Variants in DACH2 observed in about 807,000 individuals in gnomAD.
DACH2 encodes dachshund family transcription factor 2.
Under a neutral mutation model 35.8 loss-of-function variants are expected in DACH2, and 17 were observed. That is an observed-to-expected ratio of 0.48 (90% CI 0.33 to 0.71). The LOEUF is 0.71. Ranked by LOEUF, DACH2 falls within the 30% of genes least tolerant of loss-of-function variation. The pLI is 0.02. For missense variants in DACH2, 469 were observed against 472.7 expected (o/e 0.99, Z 0.07); for synonymous variants, 195 against 177.3 (o/e 1.10, Z -0.79).
chrX:86,289,750 C>T (rs1415094473), intron 1 of DACH2, among the ~76,000 whole-genome samples: 2 of 109,400 alleles, frequency 1.8e-5, no homozygotes, highest in Non-Finnish European at 3.8e-5. Flanking sequence ...AGGACATGAA[C>T]TCATCATTTT....
intron 3 of DACH2, among the ~76,000 whole-genome samples, chrX:86,553,801 AC>A (rs1283305062): frequency 4.5e-5 from 5 of 111,573 alleles, no homozygotes. Flanking sequence ...TACTGGGATC[AC>A]CCCCATGGCA....
intron 2 of DACH2, among the ~76,000 whole-genome samples, chrX:86,453,257 T>A (rs2037413959): frequency 8.9e-6 from 1 of 112,149 alleles, no homozygotes; most frequent in Non-Finnish European, 1.9e-5. Context: ...TTAGATTAAG[T>A]GCCATGAGGC....
At chrX:86,318,762 A>G (rs771565909) in intron 1 of DACH2, among the ~76,000 whole-genome samples, 5 of 111,776 alleles carry the variant, frequency 4.5e-5, no homozygotes, top group Non-Finnish European at 9.4e-5. Flanking sequence ...GCTAGGGATC[A>G]GGAAAGACAA....
intron 1 of DACH2, among the ~76,000 whole-genome samples, chrX:86,252,074 G>T (rs1303578201): frequency 9.0e-6 from 1 of 111,217 alleles, no homozygotes; most frequent in Non-Finnish European, 1.9e-5. Flanking sequence ...GTTTTGATTT[G>T]CATTTCCCTG....
chrX:86,281,076 A>G (rs1262365378), intron 1 of DACH2, among the ~76,000 whole-genome samples: 28 of 111,281 alleles, frequency 2.5e-4, no homozygotes, highest in Non-Finnish European at 1.9e-5. Context: ...CAGGCCTTGA[A>G]CTCAGCTCTG....
chrX:86,697,600 T>A lies in DACH2; in HGVS notation c.931+2421T>A, dbSNP rs770036529. Among the ~76,000 whole-genome samples the A allele has an allele frequency of 6.4e-5, 7 of 109,662 alleles. No individual in the cohort carries two copies. The East Asian group carries it at 1.7e-3, about 27-fold the overall frequency. On this transcript the variant is annotated intron_variant, in intron 5 of 11. Coordinates refer to ENST00000373125, the MANE Select transcript of DACH2 (RefSeq NM_053281.3). ...TGAGAACTTAAAAAAACAACTAATATACTAAGAGAATGGAAAAAATGAACA... is the reference window on the plus strand; with the variant it reads ...TGAGAACTTAAAAAAACAACTAATAAACTAAGAGAATGGAAAAAATGAACA...
chrX:86,430,001 A>G lies in DACH2; in HGVS notation c.527+53139A>G, dbSNP rs188479761. Reference sequence around the variant, plus strand: ...GTTTCAGCACTGGAACAAAATGTGGAATATTTTCACACAGACTTTTATGGA... The same window carrying G: ...GTTTCAGCACTGGAACAAAATGTGGGATATTTTCACACAGACTTTTATGGA... On this transcript the variant is annotated intron_variant, in intron 2 of 11. Transcript: ENST00000373125. Among the ~76,000 whole-genome samples the G allele has an allele frequency of 2.8e-4, 31 of 112,670 alleles. No homozygotes were observed. The East Asian group carries it at 3.4e-3, about 12-fold the overall frequency.
At chrX:86,488,107 G>C (rs775582375) in intron 2 of DACH2, among the ~76,000 whole-genome samples, 3 of 111,526 alleles carry the variant, frequency 2.7e-5, no homozygotes, top group Non-Finnish European at 5.7e-5. Flanking sequence ...TCCATTTATT[G>C]TTGCTTCTAC....
intron 1 of DACH2, among the ~76,000 whole-genome samples, chrX:86,311,608 G>A (rs1368062591): frequency 9.0e-6 from 1 of 111,132 alleles, no homozygotes; most frequent in East Asian, 2.8e-4. Flanking sequence ...CCACTAGTGA[G>A]CCACTAGCAA....
At chrX:86,311,943 A>G (rs1443859298) in intron 1 of DACH2, among the ~76,000 whole-genome samples, 1 of 111,368 alleles carries the variant, frequency 9.0e-6, no homozygotes, top group Non-Finnish European at 1.9e-5. Context: ...ATTAAGGTCA[A>G]TGGGAAACTA....
At chrX:86,206,287 A>AG (rs1023333889) in intron 1 of DACH2, among the ~76,000 whole-genome samples, 1 of 110,941 alleles carries the variant, frequency 9.0e-6, no homozygotes. Flanking sequence ...AGGGGAAAAA[A>AG]AAAAAGAAAC....
chrX:86,446,288 C>CTTTTTTTT (rs753958102), intron 2 of DACH2, among the ~76,000 whole-genome samples: 6 of 78,071 alleles, frequency 7.7e-5, no homozygotes, highest in African/African-American at 2.8e-4. Context: ...AGTCTTGTTT[C>CTTTTTTTT]TTTTTTTTTT....
chrX:86,515,132 G>T (rs1354628027), intron 3 of DACH2, among the ~76,000 whole-genome samples: 1 of 110,917 alleles, frequency 9.0e-6, no homozygotes, highest in East Asian at 2.8e-4. Context: ...CATTTATAAA[G>T]CATCTGTTGT....
intron 3 of DACH2, among the ~76,000 whole-genome samples, chrX:86,641,702 G>A (rs2040348815): frequency 9.0e-6 from 1 of 111,460 alleles, no homozygotes; most frequent in Non-Finnish European, 1.9e-5. Context: ...CACAACTGAG[G>A]AAAAAGGGCG....
Position 86,246,769 on chromosome X carries a change from C to T in DACH2, c.488+97661C>T, listed in dbSNP as rs747382782. On this transcript the variant is annotated intron_variant, in intron 1 of 11. Coordinates refer to ENST00000373125, the MANE Select transcript of DACH2 (RefSeq NM_053281.3). ...CCATTGACAATACAAAGCAATTATA[C>T]GATCAAGTCTGAATAACAACCAGAT... 1.2e-3 allele frequency among the ~76,000 whole-genome samples: 129 copies of T among 111,581 alleles called. 1 individual carries two copies. Among genetic ancestry groups the T allele is most frequent in the African/African-American group, 3.7e-3 (115 of 30,788 alleles).
intron 3 of DACH2, among the ~76,000 whole-genome samples, chrX:86,613,667 T>A (rs2039972137): frequency 9.0e-6 from 1 of 111,255 alleles, no homozygotes; most frequent in African/African-American, 3.3e-5. Context: ...AATTTTGGGG[T>A]TATCTAGGTT....
intron 3 of DACH2, among the ~76,000 whole-genome samples, chrX:86,519,224 C>A (rs748736664): frequency 6.2e-5 from 7 of 112,333 alleles, no homozygotes; most frequent in African/African-American, 2.3e-4. Flanking sequence ...GTTGAACCAA[C>A]CTTACATCCT....
chrX:86,727,353 C>T (rs1466929291), intron 6 of DACH2, among the ~76,000 whole-genome samples: 4 of 110,786 alleles, frequency 3.6e-5, no homozygotes, highest in African/African-American at 1.3e-4. Context: ...AAAAAGGGTC[C>T]AAAAAATGTG....
At chrX:86,217,267 A>T (rs756752187) in intron 1 of DACH2, among the ~76,000 whole-genome samples, 13 of 111,419 alleles carry the variant, frequency 1.2e-4, no homozygotes, top group Non-Finnish European at 2.4e-4. Context: ...TAGCAAGTAA[A>T]ATGCTGTATC....
Sources: allele counts gnomAD v4.1 joint callset (sites outside exome capture counted in the v4.1 genomes callset), GRCh38; gene constraint gnomAD v4.1.1; transcripts MANE v1.5; gene names NCBI Gene and HGNC (gene_info 2026-07-23, HGNC 2026-07-21).